SIPA1L3: variants seen among roughly 807,000 people sequenced by gnomAD.
The protein encoded by SIPA1L3 is signal-induced proliferation-associated 1-like protein 3.
Under a neutral mutation model 150.1 loss-of-function variants are expected in SIPA1L3, and 59 were observed. The ratio of observed to expected loss-of-function variants is 0.39; its 90% CI spans 0.32 to 0.49. The LOEUF (loss-of-function observed/expected upper bound fraction) is 0.49, where lower values mean the gene tolerates loss of function less well. SIPA1L3 is among the 20% of genes least tolerant of loss of function. SIPA1L3 has a pLI of 0.86. For missense variants in SIPA1L3, 2,211 were observed against 2,489.5 expected (o/e 0.89, Z 2.38); for synonymous variants, 1,070 against 1,077.6 (o/e 0.99, Z 0.14).
rs577034837 is a variant in SIPA1L3 at position 37,918,372 on chromosome 19, G to A, written c.-379+11014G>A. On this transcript the variant is annotated intron_variant, in intron 1 of 21. Coordinates refer to ENST00000222345, the MANE Select transcript of SIPA1L3 (RefSeq NM_015073.3). ...CCTCCTGTGTTCAAGTGACTCTCCTGCCTCAGCCTCCCGATTAGCTGGGAC... is the reference window on the plus strand; with the variant it reads ...CCTCCTGTGTTCAAGTGACTCTCCTACCTCAGCCTCCCGATTAGCTGGGAC... 9.2e-5 allele frequency among the ~76,000 whole-genome samples: 14 copies of A among 151,922 alleles called. No homozygotes were observed. The East Asian group carries it at 2.8e-3, about 30-fold the overall frequency.
chr19:37,927,913 T>C (rs2046520909), intron 1 of SIPA1L3, among the ~76,000 whole-genome samples: 1 of 152,158 alleles, frequency 6.6e-6, no homozygotes, highest in Non-Finnish European at 1.5e-5. Flanking sequence ...TTCCATGGTA[T>C]ATATGTACCA....
chr19:38,149,289 G>A (rs1041582204), intron 12 of SIPA1L3, among the ~76,000 whole-genome samples: 13 of 152,108 alleles, frequency 8.5e-5, no homozygotes, highest in African/African-American at 3.1e-4. Flanking sequence ...TCTTCCCTTG[G>A]GAGGCTGAGG....
chr19:38,050,222 G>A lies in SIPA1L3; in HGVS notation c.-311+21066G>A, dbSNP rs1317137545. Among the ~76,000 whole-genome samples the A allele has an allele frequency of 3.9e-5, 6 of 152,178 alleles. No homozygotes were observed. The East Asian group carries it at 9.6e-4, about 24-fold the overall frequency. ...TGTAATCCCAACACTTTGGGAGGCC[G>A]AGGCAGGTGGATCACTTGACGTCGT... On this transcript the variant is annotated intron_variant, in intron 2 of 21. Transcript: ENST00000222345.
chr19:37,979,363 A>T (rs1967147156), intron 1 of SIPA1L3, among the ~76,000 whole-genome samples: 1 of 151,976 alleles, frequency 6.6e-6, no homozygotes, highest in African/African-American at 2.4e-5. Flanking sequence ...AGCCTGGCCA[A>T]CATGGTGAAA....
At chr19:37,919,732 C>T in intron 1 of SIPA1L3, among the ~76,000 whole-genome samples, 1 of 86,636 alleles carries the variant, frequency 1.2e-5, no homozygotes, top group South Asian at 3.9e-4. Flanking sequence ...TTTTTTGAGA[C>T]AGAGTTTCAC....
At chr19:37,940,309 A>C (rs887070066) in intron 1 of SIPA1L3, among the ~76,000 whole-genome samples, 3 of 151,498 alleles carry the variant, frequency 2.0e-5, no homozygotes, top group Admixed American at 1.3e-4. Flanking sequence ...AAAAAAAAAA[A>C]CAAAAAAAAA....
At chr19:37,923,435 A>G (rs1165845888) in intron 1 of SIPA1L3, among the ~76,000 whole-genome samples, 3 of 152,232 alleles carry the variant, frequency 2.0e-5, no homozygotes, top group Admixed American at 1.3e-4. Flanking sequence ...TTGTAACACA[A>G]TGGCAAGTAT....
chr19:37,919,556 G>C (rs2046440322), intron 1 of SIPA1L3, among the ~76,000 whole-genome samples: 3 of 152,142 alleles, frequency 2.0e-5, no homozygotes, highest in Admixed American at 2.0e-4. Context: ...AACACTCACT[G>C]TGTGGTCTTT....
intron 1 of SIPA1L3, among the ~76,000 whole-genome samples, chr19:38,003,197 T>C (rs1385307362): frequency 1.3e-5 from 2 of 152,036 alleles, no homozygotes; most frequent in Non-Finnish European, 2.9e-5. Context: ...AAACATCAAC[T>C]GAAGACCCTA....
chr19:38,082,587 C>A lies in SIPA1L3; in HGVS notation c.1022C>A (p.Ala341Asp). ...CCGTGGGTGTGTCAGAAGAGCTTCG[C>A]CCACTTCGACGTGCAGAGCATGCTG... ...SRPWVCQKSF[A>D]HFDVQSMLFD... Residue 341 changes from alanine to aspartate, a missense_variant, in exon 3 of 22, where the codon GCC becomes GAC. Physicochemically the swap from Ala to Asp is moderately radical, Grantham distance 126. Coordinates refer to ENST00000222345, the MANE Select transcript of SIPA1L3 (RefSeq NM_015073.3). 1 of 1,604,216 alleles carries A rather than the reference C, an allele frequency of 6.2e-7. No individual in the cohort carries two copies.
At chr19:37,946,194 A>G (rs1207781745) in intron 1 of SIPA1L3, among the ~76,000 whole-genome samples, 1 of 151,986 alleles carries the variant, frequency 6.6e-6, no homozygotes, top group Non-Finnish European at 1.5e-5. Flanking sequence ...GACTTGTGAT[A>G]TTTATTGTTG....
At chr19:38,158,422 G>C (rs1971999203) in intron 13 of SIPA1L3, among the ~76,000 whole-genome samples, 1 of 152,204 alleles carries the variant, frequency 6.6e-6, no homozygotes, top group South Asian at 2.1e-4. Flanking sequence ...GGCCCATGTG[G>C]TGAGAACTGA....
At chr19:38,092,308 T>C (rs1044385446) in intron 4 of SIPA1L3, among the ~76,000 whole-genome samples, 5 of 151,828 alleles carry the variant, frequency 3.3e-5, no homozygotes, top group Non-Finnish European at 7.4e-5. Context: ...ATGGCACATG[T>C]AATACCTATG....
intron 2 of SIPA1L3, among the ~76,000 whole-genome samples, chr19:38,050,586 CT>C (rs1161745089): frequency 3.3e-5 from 5 of 152,208 alleles, no homozygotes; most frequent in African/African-American, 1.2e-4. Context: ...TATCCTTTCA[CT>C]TTCAATGCAC....
At chr19:37,993,940 G>T (rs1486032371) in intron 1 of SIPA1L3, among the ~76,000 whole-genome samples, 2 of 152,064 alleles carry the variant, frequency 1.3e-5, no homozygotes, top group Non-Finnish European at 2.9e-5. Context: ...TGTCGCCTAG[G>T]CTGGAGAGCA....
chr19:38,139,934 A>T (rs1398162905), intron 10 of SIPA1L3, among the ~76,000 whole-genome samples: 1 of 152,196 alleles, frequency 6.6e-6, no homozygotes, highest in Non-Finnish European at 1.5e-5. Context: ...CTATAGTGGC[A>T]TTCATCCATT....
chr19:37,936,961 T>G (rs1322907625), intron 1 of SIPA1L3, among the ~76,000 whole-genome samples: 1 of 152,224 alleles, frequency 6.6e-6, no homozygotes, highest in East Asian at 1.9e-4. Context: ...AATGCATTAA[T>G]TTTTAAAATC....
At chr19:37,986,262 A>G (rs928263644) in intron 1 of SIPA1L3, among the ~76,000 whole-genome samples, 1 of 152,208 alleles carries the variant, frequency 6.6e-6, no homozygotes. Context: ...TAGCTTTCCC[A>G]TCTGTAGAAT....
intron 5 of SIPA1L3, 108 bp from the exon 6 acceptor site, chr19:38,100,944 G>C: frequency 7.7e-7 from 1 of 1,294,230 alleles, no homozygotes. Context: ...GGGTTCCCGA[G>C]TGGTCCCAGC....
Sources: gnomAD v4.1 joint callset for allele counts (sites outside exome capture counted in the v4.1 genomes callset) on GRCh38, gnomAD v4.1.1 for gene constraint, MANE v1.5 for transcripts, NCBI Gene and HGNC (gene_info 2026-07-23, HGNC 2026-07-21) for gene names.